The following CRHR2 variants were observed in gnomAD, a reference collection of about 807,000 sequenced individuals.
The protein encoded by CRHR2 is corticotropin releasing hormone receptor 2.
Under a neutral mutation model 57.9 loss-of-function variants are expected in CRHR2, and 53 were observed. The observed-to-expected ratio is 0.92, with a 90% CI of 0.73 to 1.15. The LOEUF is 1.15. Among genes scored for constraint, CRHR2 ranks in the 50% most tolerant of loss-of-function variants. The pLI is 0.00. For synonymous variants in CRHR2, 213 were observed against 220.9 expected (o/e 0.96, Z 0.32); for missense variants, 532 against 542.6 (o/e 0.98, Z 0.19).
chr7:30,665,430 C>T lies in CRHR2; in HGVS notation c.425+100G>A. ...CCACTTTCTCCACGGGCCCTTTTAT[C>T]TGCTGGGCCCCAGAATGGAGGTGAG... On this transcript the variant is annotated intron_variant, in intron 4 of 11. Transcript: ENST00000471646. The surrounding 1 kb of genome is among the most constrained non-coding windows in gnomAD (Gnocchi z 4.5). 3 of 1,102,888 alleles carry T rather than the reference C, an allele frequency of 2.7e-6. No individual in the cohort carries two copies. The highest frequency in any genetic ancestry group is 4.0e-6 in the Non-Finnish European group (3 of 756,696). 68.3% of individuals were successfully genotyped at this position (1,102,888 alleles called of 1,614,324 possible). A position where few individuals can be genotyped will look rare whatever the true frequency, so the allele number is the denominator to read the frequency against.
At chr7:30,672,138 C>A (rs1784382364) in intron 2 of CRHR2, among the ~76,000 whole-genome samples, 1 of 152,218 alleles carries the variant, frequency 6.6e-6, no homozygotes, top group Admixed American at 6.5e-5. Context: ...TGGCCATGGG[C>A]CCAGCCCATT....
chr7:30,700,068 G>T, exon 1 of CRHR2: 1 of 1,344,374 alleles, frequency 7.4e-7, no homozygotes, highest in Non-Finnish European at 9.7e-7. Flanking sequence ...ACTGGAGCCT[G>T]CTGCCCAGCA....
intron 1 of CRHR2, among the ~76,000 whole-genome samples, chr7:30,694,805 G>A (rs560124501): frequency 1.3e-5 from 2 of 151,516 alleles, no homozygotes; most frequent in South Asian, 4.2e-4. Flanking sequence ...GCTTGGAGGA[G>A]AAGACTGGAA....
intron 10 of CRHR2, 119 bp downstream of exon 10, chr7:30,655,461 G>T: frequency 7.8e-7 from 1 of 1,275,056 alleles, no homozygotes; most frequent in Non-Finnish European, 1.1e-6. Context: ...TTCTAACTCT[G>T]TGGATGTAAC....
At chr7:30,680,817 C>CT (rs921226643) in intron 2 of CRHR2, among the ~76,000 whole-genome samples, 1 of 84,838 alleles carries the variant, frequency 1.2e-5, no homozygotes, top group African/African-American at 4.4e-5. Flanking sequence ...CTTCTGAAAG[C>CT]TTGTGTGTGT....
At chr7:30,683,020 A>T (rs1784777157), upstream of CRHR2, among the ~76,000 whole-genome samples, 1 of 152,122 alleles carries the variant, frequency 6.6e-6, no homozygotes, top group Non-Finnish European at 1.5e-5. Flanking sequence ...AAGTCCTTGG[A>T]TCAGACCGTG....
In CRHR2 at chr7:30,656,954, C is replaced by T. The variant is rs1451681498; in HGVS notation, c.832-942G>A. On this transcript the variant is annotated intron_variant, in intron 8 of 11. Coordinates refer to ENST00000471646, the MANE Select transcript of CRHR2 (RefSeq NM_001883.5). The surrounding 1 kb of genome is among the most constrained non-coding windows in gnomAD (Gnocchi z 4.4). ...CTCTTCACCTGCCTCCGAGCATAGG[C>T]AGGCAGGCAGGCAAGGGAGTGTGTG... Among the ~76,000 whole-genome samples the T allele has an allele frequency of 1.3e-5, 2 of 152,124 alleles. No individual in the cohort carries two copies. The highest frequency in any genetic ancestry group is 2.9e-5 in the Non-Finnish European group (2 of 68,000).
chr7:30,654,916 T>C (rs531448737), intron 11 of CRHR2, 123 bp downstream of exon 11: 1 of 1,553,190 alleles, frequency 6.4e-7, no homozygotes, highest in African/African-American at 1.4e-5. Context: ...TAAGGCCGGG[T>C]GGTATCTCAA....
intron 2 of CRHR2, among the ~76,000 whole-genome samples, chr7:30,669,773 G>C (rs992915166): frequency 6.6e-6 from 1 of 152,148 alleles, no homozygotes; most frequent in Non-Finnish European, 1.5e-5. Context: ...TTCTTAGCAT[G>C]ATAGTCAAGG....
chr7:30,679,652 G>T (rs1706051561), intron 2 of CRHR2, among the ~76,000 whole-genome samples: 1 of 152,146 alleles, frequency 6.6e-6, no homozygotes, highest in Non-Finnish European at 1.5e-5. Flanking sequence ...TTCAATGCGG[G>T]TTTGGCTATA....
At chr7:30,663,382 C>G (rs1784084593) in intron 5 of CRHR2, among the ~76,000 whole-genome samples, 1 of 152,156 alleles carries the variant, frequency 6.6e-6, no homozygotes, top group African/African-American at 2.4e-5. Flanking sequence ...GGACTTGGCA[C>G]AATTATTACT....
At chr7:30,674,013 G>A (rs1258985356) in intron 2 of CRHR2, among the ~76,000 whole-genome samples, 1 of 152,172 alleles carries the variant, frequency 6.6e-6, no homozygotes, top group African/African-American at 2.4e-5. Context: ...ATTTCTTAGT[G>A]TTATATGGAC....
rs1783756200 is a variant in CRHR2, at chr7:30,655,692, A to G, written c.941T>C (p.Val314Ala). The G allele has an allele frequency of 1.2e-6, 2 of 1,613,932 alleles. No individual in the cohort carries two copies. Among genetic ancestry groups the G allele is most frequent in the Non-Finnish European group, 1.7e-6 (2 of 1,179,924 alleles). ...GGTGATGCCCAGGAGGGGCAGGAGC[A>G]CCAGGGTGGCCTTCACTGCCTTCCT... ...QYRKAVKATLVLLPLLGITYM... is the reference protein window; with the variant it reads ...QYRKAVKATLALLPLLGITYM... The change falls in exon 10 of 12, where the codon GTG becomes GCG. Residue 314 changes from valine to alanine, a missense_variant. Val to Ala is a moderately conservative substitution (Grantham distance 64, BLOSUM62 0). Transcript: ENST00000471646.
At chr7:30,654,491 A>G (rs534360305) in intron 11 of CRHR2, among the ~76,000 whole-genome samples, 18 of 152,246 alleles carry the variant, frequency 1.2e-4, no homozygotes, top group African/African-American at 4.3e-4. Flanking sequence ...TCTTTGCTCC[A>G]TGTCCTCATC....
At chr7:30,678,047 C>T (rs1190174050) in intron 2 of CRHR2, among the ~76,000 whole-genome samples, 1 of 151,304 alleles carries the variant, frequency 6.6e-6, no homozygotes, top group Non-Finnish European at 1.5e-5. Flanking sequence ...GTGGCCAGGG[C>T]TGGTGGTGTT....
chr7:30,682,099 C>T (rs1210533616), intron 1 of CRHR2, 59 bp from the exon 2 acceptor site: 4 of 1,541,150 alleles, frequency 2.6e-6, no homozygotes, highest in South Asian at 2.4e-5. Flanking sequence ...GCGGGGCTCT[C>T]GGAGCGCGGG....
chr7:30,679,889 C>T (rs1453384983), intron 2 of CRHR2, among the ~76,000 whole-genome samples: 1 of 152,174 alleles, frequency 6.6e-6, no homozygotes, highest in Non-Finnish European at 1.5e-5. Context: ...AGGCTGACCT[C>T]ACACCCCAGG....
intron 5 of CRHR2, among the ~76,000 whole-genome samples, chr7:30,663,356 G>C (rs190587672): frequency 4.3e-4 from 66 of 152,282 alleles, no homozygotes; most frequent in African/African-American, 1.4e-3. Context: ...CAAAGACTCT[G>C]GGTTTGGGAA....
chr7:30,681,731 G>A (rs925109207), intron 2 of CRHR2, among the ~76,000 whole-genome samples, 184 bp downstream of exon 2: 5 of 152,216 alleles, frequency 3.3e-5, no homozygotes, highest in Non-Finnish European at 5.9e-5. Flanking sequence ...GAGATTAGAC[G>A]CTGTATTGGG....
Sources: allele counts gnomAD v4.1 joint callset (sites outside exome capture counted in the v4.1 genomes callset), GRCh38; gene constraint gnomAD v4.1.1; non-coding constraint Gnocchi (gnomAD v3.1); transcripts MANE v1.5; gene names NCBI Gene and HGNC (gene_info 2026-07-23, HGNC 2026-07-21).